The following PCSK5 variants were observed in gnomAD, a reference collection of about 807,000 sequenced individuals.
PCSK5 encodes the protein proprotein convertase subtilisin/kexin type 5.
PCSK5 carries 129 observed loss-of-function variants against 233.2 expected under a neutral mutation model. The ratio of observed to expected loss-of-function variants is 0.55; its 90% CI spans 0.48 to 0.64. PCSK5 has a LOEUF of 0.64. Among genes scored for constraint, PCSK5 ranks in the 30% least tolerant of loss-of-function variants. The pLI, the probability that PCSK5 is intolerant of heterozygous loss-of-function variation, is 0.00. For missense variants in PCSK5, 2,076 were observed against 2,430.1 expected, an observed-to-expected ratio of 0.85 and a Z score of 3.06; for synonymous variants, 825 against 879.2, an observed-to-expected ratio of 0.94 and a Z score of 1.09.
At chr9:76,333,737 C>T (rs1829599407) in intron 34 of PCSK5, among the ~76,000 whole-genome samples, 1 of 152,138 alleles carries the variant, frequency 6.6e-6, no homozygotes, top group African/African-American at 2.4e-5. Flanking sequence ...AACCTTAGAC[C>T]TTCCTCAAAT....
At chr9:76,357,413 A>C (rs1296136692) in intron 37 of PCSK5, among the ~76,000 whole-genome samples, 2 of 152,118 alleles carry the variant, frequency 1.3e-5, no homozygotes, top group Non-Finnish European at 2.9e-5. Context: ...GCTACACAGG[A>C]GGCTAAGGCA....
chr9:76,134,296 C>G, intron 10 of PCSK5, 84 bp downstream of exon 10: 1 of 762,434 alleles, frequency 1.3e-6, no homozygotes, highest in Non-Finnish European at 2.1e-6. Context: ...AACAGAACCC[C>G]TCAAACGAAA....
At chr9:76,052,032 A>C (rs1419196332) in intron 5 of PCSK5, among the ~76,000 whole-genome samples, 1 of 152,208 alleles carries the variant, frequency 6.6e-6, no homozygotes, top group South Asian at 2.1e-4. Context: ...CAAGTCTCAC[A>C]CCAAAAACTA....
intron 7 of PCSK5, among the ~76,000 whole-genome samples, chr9:76,075,879 T>C (rs898865672): frequency 6.6e-6 from 1 of 152,184 alleles, no homozygotes; most frequent in Non-Finnish European, 1.5e-5. Flanking sequence ...ATGCTGTAGA[T>C]AAAGGGGTGA....
chr9:76,172,584 C>CTTTGCA (rs1823376356), intron 13 of PCSK5, among the ~76,000 whole-genome samples: 1 of 152,168 alleles, frequency 6.6e-6, no homozygotes, highest in Non-Finnish European at 1.5e-5. Context: ...AGAGGGTAAA[C>CTTTGCA]TTTTGCATCC....
At chr9:76,018,304 A>G (rs1431787322) in intron 3 of PCSK5, among the ~76,000 whole-genome samples, 1 of 152,194 alleles carries the variant, frequency 6.6e-6, no homozygotes, top group African/African-American at 2.4e-5. Flanking sequence ...ACACTAACAC[A>G]TAAGGGCTGT....
intron 8 of PCSK5, 88 bp downstream of exon 8, chr9:76,096,190 TAC>T (rs3074177): frequency 3.9e-3 from 2,248 of 582,068 alleles, no homozygotes; most frequent in Middle Eastern, 7.3e-3. Flanking sequence ...TATATATATA[TAC>T]ACACACACAC....
At chr9:76,267,606 T>C (rs752783128) in intron 24 of PCSK5, among the ~76,000 whole-genome samples, 4 of 152,190 alleles carry the variant, frequency 2.6e-5, no homozygotes, top group Non-Finnish European at 5.9e-5. Context: ...GTTAAGACCA[T>C]TGTAGACACT....
At chr9:76,005,561 T>C in intron 3 of PCSK5, among the ~76,000 whole-genome samples, 1 of 152,178 alleles carries the variant, frequency 6.6e-6, no homozygotes, top group East Asian at 1.9e-4. Context: ...AGAGTTACCG[T>C]AATTTATTTA....
In PCSK5 at chr9:75,932,472, A is replaced by G. The variant is rs201725626; in HGVS notation, c.286A>G (p.Met96Val). The G allele has an allele frequency of 2.7e-5, 43 of 1,602,918 alleles. No homozygotes were observed. The highest frequency in any genetic ancestry group is 5.0e-5 in the Admixed American group (3 of 59,972). Residue 96 changes from methionine (M) to valine (V), a missense_variant, in exon 2 of 38, where the codon ATG becomes GTG. Met to Val is a conservative substitution (Grantham distance 21). This residue lies in a region of PCSK5 where 190 missense variants were observed against 216.3 expected (regional missense o/e 0.88). Coordinates refer to ENST00000674117, the MANE Select transcript of PCSK5 (RefSeq NM_001372043.1). ...CAGAGGGACCCACAGTTTCATTTCA[A>G]TGGAACCAAAGGTAAGAAGAACCAG... Reference protein sequence around the residue: ...SSRGTHSFISMEPKVEWIQQQ... With the variant: ...SSRGTHSFISVEPKVEWIQQQ...
chr9:76,287,740 T>C (rs1023439538), intron 24 of PCSK5: 1 of 160,430 alleles, frequency 6.2e-6, no homozygotes, highest in Admixed American at 6.1e-5. Flanking sequence ...ATTACAGGCA[T>C]GAGCCACCGC....
At chr9:75,971,472 T>C (rs1039344734) in intron 2 of PCSK5, among the ~76,000 whole-genome samples, 2 of 152,194 alleles carry the variant, frequency 1.3e-5, no homozygotes, top group East Asian at 3.9e-4. Context: ...CTGGGTCAGA[T>C]GGTATTTCTG....
intron 10 of PCSK5, among the ~76,000 whole-genome samples, chr9:76,155,111 A>T (rs1402230214): frequency 6.6e-6 from 1 of 152,224 alleles, no homozygotes. Flanking sequence ...TCCCACATTT[A>T]TCCGTGCCAT....
intron 5 of PCSK5, among the ~76,000 whole-genome samples, chr9:76,035,318 G>T (rs1334935271): frequency 6.6e-6 from 1 of 152,154 alleles, no homozygotes; most frequent in Non-Finnish European, 1.5e-5. Context: ...TATAGAAAAT[G>T]ATTATCTAAC....
chr9:76,353,108 G>A (rs1258219323), intron 36 of PCSK5, among the ~76,000 whole-genome samples: 1 of 152,212 alleles, frequency 6.6e-6, no homozygotes, highest in African/African-American at 2.4e-5. Context: ...GATTCAATGA[G>A]ATAATAACAG....
chr9:76,259,485 ACACT>A (rs763243527), intron 24 of PCSK5, among the ~76,000 whole-genome samples: 3 of 145,720 alleles, frequency 2.1e-5, no homozygotes, highest in Admixed American at 1.4e-4. Flanking sequence ...ACACACACAC[ACACT>A]CACTTCAGTC....
intron 34 of PCSK5, among the ~76,000 whole-genome samples, chr9:76,335,777 T>C (rs913759833): frequency 3.3e-5 from 5 of 152,238 alleles, no homozygotes; most frequent in South Asian, 4.1e-4. Context: ...AAAAAAACTT[T>C]TGTATGCTGC....
chr9:76,263,738 C>G (rs574451347), intron 24 of PCSK5, among the ~76,000 whole-genome samples: 1 of 151,796 alleles, frequency 6.6e-6, no homozygotes, highest in Non-Finnish European at 1.5e-5. Context: ...TGTAACTAAC[C>G]TGCACATTGT....
At position 75,915,605 on chromosome 9, in the gene PCSK5, A is replaced by G. The variant is rs143787987; in HGVS notation, c.193-16774A>G. On this transcript the variant is annotated intron_variant, in intron 1 of 37. Transcript: ENST00000674117. ...TTCTTTCACTAAATTACCTGCGTGTATTTGAACAATGCAAATAAAACAGGC... is the reference window on the plus strand; with the variant it reads ...TTCTTTCACTAAATTACCTGCGTGTGTTTGAACAATGCAAATAAAACAGGC... 9.3e-4 allele frequency among the ~76,000 whole-genome samples: 142 copies of G among 152,356 alleles called. 3 individuals are homozygous for G. The East Asian group carries it at 0.025, about 26-fold the overall frequency.
Sources: allele counts gnomAD v4.1 joint callset (sites outside exome capture counted in the v4.1 genomes callset), GRCh38; gene constraint gnomAD v4.1.1; regional missense constraint gnomAD v4.1.1; transcripts MANE v1.5; gene names NCBI Gene and HGNC (gene_info 2026-07-23, HGNC 2026-07-21).